The following CDH12 variants were observed in gnomAD, a reference collection of about 807,000 sequenced individuals.
The protein encoded by CDH12 is cadherin 12.
CDH12 carries 41 observed loss-of-function variants against 74.1 expected under a neutral mutation model. The observed-to-expected ratio is 0.55, with a 90% CI of 0.43 to 0.72. The LOEUF is 0.72. Ranked by LOEUF, CDH12 falls within the 30% of genes least tolerant of loss-of-function variation. The probability of loss-of-function intolerance (pLI) is 0.00; values close to 1 mark genes in which losing one functional copy is unlikely to be tolerated. For synonymous variants in CDH12, 399 were observed against 355.0 expected, an observed-to-expected ratio of 1.12 and a Z score of -1.39; for missense variants, 945 against 977.2, an observed-to-expected ratio of 0.97 and a Z score of 0.44.
rs565142807 is a variant in CDH12 at position 21,845,883 on chromosome 5, T to C, written c.647-3555A>G. ...TAATAAAAAGCAGCGCCAAATTATT[T>C]CTTTTCCAGCAAAGAGCAGACTGAA... On this transcript the variant is annotated intron_variant, in intron 7 of 14. Transcript: ENST00000382254. Among the ~76,000 whole-genome samples the C allele has an allele frequency of 6.6e-4, 101 of 152,240 alleles. 4 individuals carry two copies. The highest frequency in any genetic ancestry group is 2.4e-4 in the Non-Finnish European group (16 of 68,016).
chr5:22,393,049 T>C (rs1378104492), intron 3 of CDH12, among the ~76,000 whole-genome samples: 2 of 152,256 alleles, frequency 1.3e-5, no homozygotes, highest in East Asian at 1.9e-4. Flanking sequence ...TATGTCCTAA[T>C]TAATGGAAAC....
intron 1 of CDH12, among the ~76,000 whole-genome samples, chr5:22,742,544 C>T (rs377260790): frequency 6.6e-6 from 1 of 152,014 alleles, no homozygotes; most frequent in African/African-American, 2.4e-5. Flanking sequence ...CTAGGATAGC[C>T]AAATCAGACA....
At chr5:22,561,356 T>C (rs1003137717) in intron 1 of CDH12, among the ~76,000 whole-genome samples, 12 of 152,164 alleles carry the variant, frequency 7.9e-5, no homozygotes, top group Non-Finnish European at 4.4e-5. Context: ...TCCATTTTCC[T>C]TCCATCAGGT....
chr5:22,714,943 A>T (rs1383766640), intron 1 of CDH12, among the ~76,000 whole-genome samples: 1 of 152,126 alleles, frequency 6.6e-6, no homozygotes, highest in Non-Finnish European at 1.5e-5. Context: ...ATCTCGCAGA[A>T]CGTCTTTCCC....
At chr5:22,795,025 T>A (rs1243405339) in intron 1 of CDH12, among the ~76,000 whole-genome samples, 1 of 152,168 alleles carries the variant, frequency 6.6e-6, no homozygotes, top group East Asian at 1.9e-4. Flanking sequence ...GGTAATTTCA[T>A]AAACTCAGAA....
intron 3 of CDH12, among the ~76,000 whole-genome samples, chr5:22,337,309 T>G (rs887578366): frequency 1.3e-5 from 2 of 152,142 alleles, no homozygotes; most frequent in African/African-American, 4.8e-5. Flanking sequence ...TGAAATGAGT[T>G]GAGACTTTGG....
chr5:22,231,571 A>G (rs1343248670), intron 3 of CDH12, among the ~76,000 whole-genome samples: 2 of 152,042 alleles, frequency 1.3e-5, no homozygotes, highest in South Asian at 2.1e-4. Context: ...AATGAAAATC[A>G]TATTTCATGA....
chr5:22,547,031 T>G (rs1192471040), intron 1 of CDH12, among the ~76,000 whole-genome samples: 3 of 152,198 alleles, frequency 2.0e-5, no homozygotes, highest in South Asian at 4.1e-4. Flanking sequence ...GAGATAACTT[T>G]TGCATTTTAA....
rs1005390183 is a variant in CDH12, at chr5:21,889,730, G to A, written c.527-34940C>T. The A allele has an allele frequency of 8.9e-5, 88 of 984,512 alleles. 1 individual carries two copies. The highest frequency in any genetic ancestry group is 5.2e-4 in the Middle Eastern group (1 of 1,914). The allele number at this position is 984,512 out of a possible 1,614,324, so 61.0% of individuals were successfully genotyped here. A position where few individuals can be genotyped will look rare whatever the true frequency, so the allele number is the denominator to read the frequency against. ...TTCTAGACATCTCAAAACAATATAT[G>A]GGGTTTTGTTTGCTTTCTTTCTTTC... On this transcript the variant is annotated intron_variant, in intron 6 of 14. Coordinates refer to ENST00000382254, the MANE Select transcript of CDH12 (RefSeq NM_004061.5).
At chr5:22,789,509 G>A (rs1054399351) in intron 1 of CDH12, among the ~76,000 whole-genome samples, 1 of 151,970 alleles carries the variant, frequency 6.6e-6, no homozygotes, top group African/African-American at 2.4e-5. Flanking sequence ...TTTCCATTTG[G>A]TTAAAAGAGA....
chr5:22,472,069 A>G (rs1477593307), intron 2 of CDH12, among the ~76,000 whole-genome samples: 1 of 152,160 alleles, frequency 6.6e-6, no homozygotes, highest in African/African-American at 2.4e-5. Context: ...TCAGATTCTT[A>G]CTGAAGCAGG....
chr5:22,578,858 G>A (rs569306805), intron 1 of CDH12, among the ~76,000 whole-genome samples: 183 of 152,158 alleles, frequency 1.2e-3, no homozygotes, highest in Non-Finnish European at 2.2e-3. Flanking sequence ...CTTCTCTTCT[G>A]TTGCTATATT....
At chr5:22,569,775 T>C (rs1293810849) in intron 1 of CDH12, among the ~76,000 whole-genome samples, 2 of 152,174 alleles carry the variant, frequency 1.3e-5, no homozygotes, top group Non-Finnish European at 2.9e-5. Context: ...ACTCTAGTTT[T>C]TTTGCTATAT....
intron 6 of CDH12, among the ~76,000 whole-genome samples, chr5:21,874,684 C>T (rs924060925): frequency 2.6e-5 from 4 of 152,116 alleles, no homozygotes; most frequent in African/African-American, 4.8e-5. Context: ...GAGCTTTGCT[C>T]GCCATCCACC....
In CDH12 at chr5:21,996,121, T is replaced by G. The variant is rs1342017649; in HGVS notation, c.232-20736A>C. On this transcript the variant is annotated intron_variant, in intron 5 of 14. Coordinates refer to ENST00000382254, the MANE Select transcript of CDH12 (RefSeq NM_004061.5). ...CACACACACGTTTTTTTTTTTTTTT[T>G]TTTTTTTTTTTCCAATGCCTGCTTG... Among the ~76,000 whole-genome samples the G allele has an allele frequency of 8.3e-5, 7 of 84,324 alleles. No homozygotes were observed. The East Asian group carries it at 9.2e-4, about 11-fold the overall frequency. 55.3% of individuals were successfully genotyped at this position (84,324 alleles called of 152,430 possible).
chr5:22,201,040 A>C (rs1750899184), intron 4 of CDH12, among the ~76,000 whole-genome samples: 1 of 152,218 alleles, frequency 6.6e-6, no homozygotes, highest in African/African-American at 2.4e-5. Flanking sequence ...TCTGAAGGAC[A>C]ATAGATCTAG....
At chr5:22,657,139 T>C (rs1259699148) in intron 1 of CDH12, among the ~76,000 whole-genome samples, 3 of 152,170 alleles carry the variant, frequency 2.0e-5, no homozygotes. Context: ...AACTATTAAG[T>C]GAAATTGCCA....
chr5:22,050,626 A>G (rs1047117954), intron 5 of CDH12, among the ~76,000 whole-genome samples: 3 of 152,118 alleles, frequency 2.0e-5, no homozygotes, highest in Non-Finnish European at 4.4e-5. Flanking sequence ...CTGCTATCCA[A>G]TTATCACCCT....
chr5:22,446,241 C>G (rs572704674), intron 2 of CDH12, among the ~76,000 whole-genome samples: 1 of 152,160 alleles, frequency 6.6e-6, no homozygotes, highest in South Asian at 2.1e-4. Context: ...AGGTTTGATT[C>G]GACGGTCATC....
Sources: allele counts gnomAD v4.1 joint callset (sites outside exome capture counted in the v4.1 genomes callset), GRCh38; gene constraint gnomAD v4.1.1; transcripts MANE v1.5; gene names NCBI Gene and HGNC (gene_info 2026-07-23, HGNC 2026-07-21).